Variants in MGAT4C observed in about 807,000 individuals in gnomAD.
The protein encoded by MGAT4C is MGAT4 family member C.
A neutral mutation model predicts 40.1 loss-of-function variants in MGAT4C; 19 were observed. That is an observed-to-expected ratio of 0.47 (90% CI 0.33 to 0.70). The LOEUF (loss-of-function observed/expected upper bound fraction) is 0.70. Ranked by LOEUF, MGAT4C falls within the 30% of genes least tolerant of loss-of-function variation. The pLI is 0.02. For missense variants in MGAT4C, 491 were observed against 563.2 expected, an observed-to-expected ratio of 0.87 and a Z score of 1.30; for synonymous variants, 181 against 187.1, an observed-to-expected ratio of 0.97 and a Z score of 0.27.
chr12:86,389,558 C>T (rs1303342790), intron 3 of MGAT4C, among the ~76,000 whole-genome samples: 2 of 151,962 alleles, frequency 1.3e-5, no homozygotes. Context: ...GGGTATGTAC[C>T]CATAATGGGA....
intron 2 of MGAT4C, among the ~76,000 whole-genome samples, chr12:86,032,491 G>T (rs938802403): frequency 6.7e-6 from 1 of 149,654 alleles, no homozygotes; most frequent in Non-Finnish European, 1.5e-5. Flanking sequence ...TTGTGAGGTT[G>T]ATTTGCATTT....
In MGAT4C at chr12:85,968,352, G is replaced by A. The variant is rs1475379141; in HGVS notation, c.*10937C>T. On this transcript the variant is annotated 3_prime_UTR_variant, in exon 5 of 5. Coordinates refer to ENST00000611864, the MANE Select transcript of MGAT4C (RefSeq NM_001351288.2). ...ATTAGATTTTATGTGTTAAAAAGTG[G>A]ATTTATAGTCTCTAATTAATAAGGT... 2.6e-5 allele frequency: 4 copies of A among 151,982 alleles called. No homozygotes were observed. Among genetic ancestry groups the A allele is most frequent in the African/African-American group, 9.6e-5 (4 of 41,498 alleles). 9.4% of individuals were successfully genotyped at this position (151,982 alleles called of 1,614,324 possible).
chr12:86,234,524 G>A (rs1274615595), intron 1 of MGAT4C, among the ~76,000 whole-genome samples: 1 of 152,062 alleles, frequency 6.6e-6, no homozygotes, highest in Non-Finnish European at 1.5e-5. Context: ...TGCAAAATAG[G>A]TACCAATCTG....
intron 2 of MGAT4C, among the ~76,000 whole-genome samples, chr12:86,688,434 A>G (rs1451218760): frequency 6.6e-6 from 1 of 151,926 alleles, no homozygotes; most frequent in Non-Finnish European, 1.5e-5. Context: ...TAGCTTCTTC[A>G]TAGTGTTGAT....
intron 2 of MGAT4C, among the ~76,000 whole-genome samples, chr12:86,704,846 C>G (rs557921568): frequency 6.6e-6 from 1 of 152,144 alleles, no homozygotes; most frequent in Non-Finnish European, 1.5e-5. Flanking sequence ...GATACACACA[C>G]CTGCAATGCC....
intron 1 of MGAT4C, among the ~76,000 whole-genome samples, chr12:86,210,370 T>A (rs1405907052): frequency 6.6e-6 from 1 of 152,212 alleles, no homozygotes. Context: ...AAAGTGTGCA[T>A]AACACATTAT....
At chr12:86,562,019 G>A (rs1959885916) in intron 2 of MGAT4C, among the ~76,000 whole-genome samples, 1 of 152,142 alleles carries the variant, frequency 6.6e-6, no homozygotes, top group Non-Finnish European at 1.5e-5. Flanking sequence ...CTGCTCTTGA[G>A]AGGCAAGGAG....
chr12:86,385,570 A>G (rs1956034622), intron 3 of MGAT4C, among the ~76,000 whole-genome samples: 2 of 152,242 alleles, frequency 1.3e-5, no homozygotes, highest in African/African-American at 4.8e-5. Context: ...CATAGCATGT[A>G]TGACCTTTTG....
chr12:86,072,026 T>TTGTGTGTGTGTGTGTG (rs71076158), intron 1 of MGAT4C, among the ~76,000 whole-genome samples: 18 of 149,064 alleles, frequency 1.2e-4, no homozygotes, highest in African/African-American at 4.2e-4. Context: ...GCATAGGGTT[T>TTGTGTGTGTGTGTGTG]TGTGTGTGTG....
chr12:86,532,701 A>C (rs1279413811), intron 2 of MGAT4C, among the ~76,000 whole-genome samples: 2 of 152,016 alleles, frequency 1.3e-5, no homozygotes, highest in Admixed American at 1.3e-4. Context: ...ATTGCATCTT[A>C]AAGGCTGGCA....
chr12:86,434,803 C>T (rs1957108815), intron 3 of MGAT4C, among the ~76,000 whole-genome samples: 1 of 151,838 alleles, frequency 6.6e-6, no homozygotes, highest in Non-Finnish European at 1.5e-5. Flanking sequence ...AAAACTTAAA[C>T]ACATAGATTC....
chr12:86,046,379 C>T (rs1188967106), intron 2 of MGAT4C, among the ~76,000 whole-genome samples: 1 of 152,124 alleles, frequency 6.6e-6, no homozygotes, highest in Non-Finnish European at 1.5e-5. Flanking sequence ...CTTGTGAAAC[C>T]CTTCCCTGAC....
Position 86,420,856 on chromosome 12 carries a change from T to C in MGAT4C, c.-120+14301A>G, listed in dbSNP as rs1165172703. Among the ~76,000 whole-genome samples, 3 of 146,140 alleles carry C rather than the reference T, an allele frequency of 2.1e-5. No individual in the cohort carries two copies. In the East Asian group the frequency reaches 5.9e-4, roughly 29 times the overall value. ...ACATACACACATATGTATATACATA[T>C]ATATGTGTATATATATACATACATG... is the stretch of plus-strand genomic sequence containing the variant. On this transcript the variant is annotated intron_variant, in intron 3 of 7. Transcript: ENST00000548651.
intron 1 of MGAT4C, among the ~76,000 whole-genome samples, chr12:86,768,122 T>C (rs1334709035): frequency 6.6e-6 from 1 of 152,054 alleles, no homozygotes; most frequent in Admixed American, 6.6e-5. Flanking sequence ...AAAACCCCAT[T>C]GTCTCAGCCC....
chr12:86,553,103 G>T (rs1959445706), intron 2 of MGAT4C, among the ~76,000 whole-genome samples: 1 of 152,038 alleles, frequency 6.6e-6, no homozygotes, highest in African/African-American at 2.4e-5. Flanking sequence ...CAGAGCTTGT[G>T]TACCGGCACA....
At chr12:86,589,363 A>G (rs931945131) in intron 2 of MGAT4C, among the ~76,000 whole-genome samples, 3 of 152,122 alleles carry the variant, frequency 2.0e-5, no homozygotes, top group Non-Finnish European at 2.9e-5. Flanking sequence ...GAAGAAGTTG[A>G]ATCTCTGAAT....
At chr12:86,675,066 A>G (rs961521868) in intron 2 of MGAT4C, among the ~76,000 whole-genome samples, 1 of 152,110 alleles carries the variant, frequency 6.6e-6, no homozygotes, top group Non-Finnish European at 1.5e-5. Flanking sequence ...ACTCAGAAAA[A>G]TTATATCATG....
At chr12:86,020,731 CA>C (rs1474822655) in intron 2 of MGAT4C, among the ~76,000 whole-genome samples, 2 of 152,172 alleles carry the variant, frequency 1.3e-5, no homozygotes, top group East Asian at 3.9e-4. Context: ...CCAACATTGA[CA>C]AATGGGATCT....
intron 2 of MGAT4C, among the ~76,000 whole-genome samples, chr12:86,665,214 A>G (rs1593093661): frequency 6.6e-6 from 1 of 152,196 alleles, no homozygotes; most frequent in Admixed American, 6.5e-5. Context: ...TAGGGGATAC[A>G]GTATTCAGTG....
Sources: gnomAD v4.1 joint callset for allele counts (sites outside exome capture counted in the v4.1 genomes callset) on GRCh38, gnomAD v4.1.1 for gene constraint, MANE v1.5 for transcripts, NCBI Gene and HGNC (gene_info 2026-07-23, HGNC 2026-07-21) for gene names.